OR1L8: variants seen among roughly 807,000 people sequenced by gnomAD.
OR1L8 encodes olfactory receptor family 1 subfamily L member 8, also known as olfactory receptor 1L8.
For missense variants in OR1L8, 330 were observed against 377.4 expected (o/e 0.87, Z 1.04); for synonymous variants, 148 against 147.0 (o/e 1.01, Z -0.05).
At chr9:122,557,787 A>G in the OR1L8 span, among the ~76,000 whole-genome samples, 35 of 152,200 alleles carry the variant, frequency 2.3e-4, no homozygotes, top group East Asian at 6.7e-3. Context: ...GAGAATTGGC[A>G]TACATTCTTC....
chr9:122,561,178 A>G, the OR1L8 span, among the ~76,000 whole-genome samples: 1 of 152,120 alleles, frequency 6.6e-6, no homozygotes, highest in Admixed American at 6.5e-5. Context: ...CAGCTCCATC[A>G]CATCATTTAT....
intron 4 of OR1L8, among the ~76,000 whole-genome samples, chr9:122,571,677 C>G (rs1321032496): frequency 2.0e-5 from 3 of 150,726 alleles, no homozygotes; most frequent in African/African-American, 7.4e-5. Flanking sequence ...GATTGCACCA[C>G]TGCACTCCAG....
chr9:122,553,065 T>C, the OR1L8 span: 1 of 792,212 alleles, frequency 1.3e-6, no homozygotes, highest in Non-Finnish European at 2.1e-6. Flanking sequence ...ATTCAGAGAT[T>C]CTTATTGGCA....
chr9:122,551,715 T>C, the OR1L8 span, among the ~76,000 whole-genome samples: 2 of 151,808 alleles, frequency 1.3e-5, no homozygotes, highest in Non-Finnish European at 2.9e-5. Flanking sequence ...CCAGCCAGAG[T>C]TGGCTGGAGA....
chr9:122,574,808 T>C (rs1006316900), intron 3 of OR1L8, among the ~76,000 whole-genome samples: 3 of 152,260 alleles, frequency 2.0e-5, no homozygotes, highest in Non-Finnish European at 1.5e-5. Flanking sequence ...CCATCATGTA[T>C]AATGTTAGTT....
chr9:122,553,508 G>T, the OR1L8 span: 14 of 1,613,938 alleles, frequency 8.7e-6, no homozygotes, highest in African/African-American at 1.6e-4. Flanking sequence ...CGTATTCTGG[G>T]TGTCTTGCAC....
At chr9:122,561,648 C>T in the OR1L8 span, among the ~76,000 whole-genome samples, 3 of 151,974 alleles carry the variant, frequency 2.0e-5, no homozygotes, top group African/African-American at 7.3e-5. Context: ...TCATCTGGTT[C>T]ACTCCTGCAC....
chr9:122,561,235 A>T, the OR1L8 span, among the ~76,000 whole-genome samples: 19 of 152,240 alleles, frequency 1.2e-4, no homozygotes, highest in East Asian at 3.7e-3. Flanking sequence ...TTAGCAGCTC[A>T]TGTAAGCCTT....
At chr9:122,562,132 C>T (rs112683803), downstream of OR1L8, among the ~76,000 whole-genome samples, 77 of 152,300 alleles carry the variant, frequency 5.1e-4, no homozygotes, top group African/African-American at 1.6e-3. Flanking sequence ...CTGCCACAGC[C>T]GGTGTGTTTG....
At chr9:122,563,214 A>G (rs954431696), downstream of OR1L8, among the ~76,000 whole-genome samples, 3 of 151,138 alleles carry the variant, frequency 2.0e-5, no homozygotes, top group African/African-American at 7.3e-5. Context: ...GATAATAGCC[A>G]TTCTAACTGG....
At chr9:122,557,569 G>T in the OR1L8 span, among the ~76,000 whole-genome samples, 1 of 151,948 alleles carries the variant, frequency 6.6e-6, no homozygotes, top group Non-Finnish European at 1.5e-5. Flanking sequence ...CTTGGATATG[G>T]TGTATAATTC....
chr9:122,550,334 G>T, the OR1L8 span, among the ~76,000 whole-genome samples: 1 of 148,120 alleles, frequency 6.8e-6, no homozygotes, highest in Non-Finnish European at 1.5e-5. Context: ...CAAAGAACTG[G>T]TACCAGTCTT....
intron 3 of OR1L8, among the ~76,000 whole-genome samples, chr9:122,573,398 G>A (rs1281754389): frequency 5.3e-5 from 8 of 152,230 alleles, no homozygotes; most frequent in Non-Finnish European, 1.2e-4. Context: ...ATTTATGTGA[G>A]TGAATATTTT....
At chr9:122,572,256 C>T (rs186822600) in intron 4 of OR1L8, among the ~76,000 whole-genome samples, 2 of 152,210 alleles carry the variant, frequency 1.3e-5, no homozygotes, top group East Asian at 1.9e-4. Context: ...GACATTTGGG[C>T]GGGGACACAG....
the OR1L8 span, among the ~76,000 whole-genome samples, chr9:122,557,847 TTC>T: frequency 6.6e-6 from 1 of 152,016 alleles, no homozygotes; most frequent in Non-Finnish European, 1.5e-5. Context: ...GCCTGGTACT[TTC>T]TGTTTGGGAA....
chr9:122,576,520 C>T (rs1027985629), intron 3 of OR1L8, among the ~76,000 whole-genome samples: 30 of 152,168 alleles, frequency 2.0e-4, no homozygotes, highest in African/African-American at 6.0e-4. Flanking sequence ...CAGGCATGAG[C>T]CATTGCACCC....
chr9:122,581,842 G>A (rs1588221807), intron 1 of OR1L8, among the ~76,000 whole-genome samples: 1 of 152,058 alleles, frequency 6.6e-6, no homozygotes, highest in African/African-American at 2.4e-5. Context: ...AACCCAAAAG[G>A]TGGAGGTTGC....
downstream of OR1L8, among the ~76,000 whole-genome samples, chr9:122,562,700 C>A (rs1244560300): frequency 6.6e-6 from 1 of 152,172 alleles, no homozygotes; most frequent in Non-Finnish European, 1.5e-5. Context: ...GCAGGGTTCG[C>A]ATGCTGTTTT....
intron 3 of OR1L8, among the ~76,000 whole-genome samples, chr9:122,573,669 A>T (rs189611282): frequency 6.6e-6 from 1 of 152,284 alleles, no homozygotes; most frequent in African/African-American, 2.4e-5. Flanking sequence ...GTTTTGTGCA[A>T]ATATTTTCTC....
Sources: gnomAD v4.1 joint callset for allele counts (sites outside exome capture counted in the v4.1 genomes callset) on GRCh38, gnomAD v4.1.1 for gene constraint, MANE v1.5 for transcripts, NCBI Gene and HGNC (gene_info 2026-07-23, HGNC 2026-07-21) for gene names.